Variants in CARNMT1 observed in about 807,000 individuals in gnomAD.
CARNMT1 encodes the protein protein-L-histidine N-pros-methyltransferase CARNMT1.
CARNMT1 carries 28 observed loss-of-function variants against 49.6 expected under a neutral mutation model. The observed-to-expected ratio is 0.56, with a 90% confidence interval of 0.42 to 0.77. The LOEUF is 0.77. CARNMT1 is among the 30% of genes least tolerant of loss of function. The pLI is 0.00. For synonymous variants in CARNMT1, 178 were observed against 175.0 expected, an observed-to-expected ratio of 1.02 and a Z score of -0.13; for missense variants, 421 against 512.6, an observed-to-expected ratio of 0.82 and a Z score of 1.73.
At chr9:75,021,088 T>C (rs1822337748) in intron 1 of CARNMT1, among the ~76,000 whole-genome samples, 1 of 151,880 alleles carries the variant, frequency 6.6e-6, no homozygotes, top group South Asian at 2.1e-4. Context: ...CATAATTAGG[T>C]AGGTAGCATT....
intron 1 of CARNMT1, among the ~76,000 whole-genome samples, chr9:75,021,336 T>C (rs1822350188): frequency 6.8e-6 from 1 of 146,346 alleles, no homozygotes; most frequent in Non-Finnish European, 1.5e-5. Context: ...ATATATAGTA[T>C]ATATACTACT....
intron 1 of CARNMT1, among the ~76,000 whole-genome samples, chr9:75,017,828 A>G (rs1443366204): frequency 1.3e-5 from 2 of 152,224 alleles, no homozygotes; most frequent in African/African-American, 4.8e-5. Context: ...TGAAATTATA[A>G]TACACACAAA....
intron 6 of CARNMT1, among the ~76,000 whole-genome samples, chr9:74,989,403 C>T (rs1832950236): frequency 6.6e-6 from 1 of 152,128 alleles, no homozygotes; most frequent in Non-Finnish European, 1.5e-5. Flanking sequence ...GCATGAGCTA[C>T]GTCATCCAGT....
chr9:74,997,900 TA>T (rs2118787572), intron 5 of CARNMT1, among the ~76,000 whole-genome samples: 1 of 152,286 alleles, frequency 6.6e-6, no homozygotes, highest in South Asian at 2.1e-4. Context: ...AAATACCTAG[TA>T]CTTAGTAGGT....
chr9:75,022,582 T>C (rs1418823175), intron 1 of CARNMT1, among the ~76,000 whole-genome samples: 1 of 152,120 alleles, frequency 6.6e-6, no homozygotes, highest in African/African-American at 2.4e-5. Flanking sequence ...ACTCCATAAA[T>C]TTACATTCCT....
At chr9:75,027,738 T>G (rs979395421) in intron 1 of CARNMT1, among the ~76,000 whole-genome samples, 1 of 152,150 alleles carries the variant, frequency 6.6e-6, no homozygotes, top group South Asian at 2.1e-4. Flanking sequence ...AAGCCAAACC[T>G]TTACGAGGAC....
chr9:75,020,791 G>C (rs960169829), intron 1 of CARNMT1, among the ~76,000 whole-genome samples: 2 of 152,130 alleles, frequency 1.3e-5, no homozygotes, highest in African/African-American at 2.4e-5. Flanking sequence ...GGCCCTTAGG[G>C]ATAAGGTGAA....
intron 1 of CARNMT1, among the ~76,000 whole-genome samples, chr9:75,018,533 C>T (rs1438472840): frequency 1.3e-5 from 2 of 152,110 alleles, no homozygotes; most frequent in Admixed American, 1.3e-4. Context: ...ATCAGCGCAA[C>T]CACTTTGGAA....
intron 1 of CARNMT1, among the ~76,000 whole-genome samples, chr9:75,020,652 A>G (rs1354466990): frequency 6.6e-6 from 1 of 151,978 alleles, no homozygotes; most frequent in African/African-American, 2.4e-5. Flanking sequence ...CAATTTTCTT[A>G]TTTTTACCCT....
intron 1 of CARNMT1, chr9:75,027,136 A>T (rs1042698963): frequency 7.7e-7 from 1 of 1,303,300 alleles, no homozygotes; most frequent in Non-Finnish European, 1.0e-6. Flanking sequence ...TACGTGAATA[A>T]AAGTGTTATC....
At chr9:75,002,974 G>A (rs1399385462) in intron 3 of CARNMT1, among the ~76,000 whole-genome samples, 2 of 152,136 alleles carry the variant, frequency 1.3e-5, no homozygotes, top group East Asian at 1.9e-4. Context: ...CTGGGCTCAA[G>A]TAACCTACCC....
chr9:75,007,339 C>T (rs1453252169), intron 3 of CARNMT1, among the ~76,000 whole-genome samples: 3 of 152,080 alleles, frequency 2.0e-5, no homozygotes, highest in Non-Finnish European at 4.4e-5. Context: ...AAATATATCA[C>T]ATTAATGGAA....
At chr9:75,028,408 A>T (rs1246981446), upstream of CARNMT1, 1 of 1,290,170 alleles carries the variant, frequency 7.8e-7, no homozygotes, top group East Asian at 3.3e-5. Context: ...GGGCTCCGCC[A>T]GGTCTTCAGG....
At chr9:75,004,322 A>C (rs1446433827) in intron 3 of CARNMT1, among the ~76,000 whole-genome samples, 1 of 152,254 alleles carries the variant, frequency 6.6e-6, no homozygotes, top group Non-Finnish European at 1.5e-5. Context: ...TAAGTAAAAA[A>C]TGGCATCTTA....
Position 74,982,743 on chromosome 9 carries a change from G to A in CARNMT1, c.*1024C>T, listed in dbSNP as rs1832720076. 1 of 152,122 alleles carries A rather than the reference G, an allele frequency of 6.6e-6. No individual in the cohort carries two copies. Among genetic ancestry groups the A allele is most frequent in the Non-Finnish European group, 1.5e-5 (1 of 68,022 alleles). 9.4% of individuals were successfully genotyped at this position (152,122 alleles called of 1,614,324 possible). On this transcript the variant is annotated 3_prime_UTR_variant, in exon 8 of 8. Transcript: ENST00000376834. ...AAGACATTATTGTAAACATCACACT[G>A]TCAAACTCTGTATTCATTTAGAGTC...
At chr9:75,021,523 A>G (rs564425469) in intron 1 of CARNMT1, among the ~76,000 whole-genome samples, 2 of 150,240 alleles carry the variant, frequency 1.3e-5, no homozygotes, top group Non-Finnish European at 3.0e-5. Context: ...TATCTCATTT[A>G]TATTACTAAA....
Position 74,983,538 on chromosome 9 carries a change from C to A in CARNMT1, c.*229G>T, listed in dbSNP as rs61743046. Reference sequence around the variant, plus strand: ...TTCAAGGAAAAAGTATACTTCAAGACATTTCCTCCATTTTTACTTGTGTAG... The same window carrying A: ...TTCAAGGAAAAAGTATACTTCAAGAAATTTCCTCCATTTTTACTTGTGTAG... On this transcript the variant is annotated 3_prime_UTR_variant, in exon 8 of 8. Transcript: ENST00000376834. 574 of 341,774 alleles carry A rather than the reference C, an allele frequency of 1.7e-3. No homozygotes were observed. Among genetic ancestry groups the A allele is most frequent in the African/African-American group, 0.011 (528 of 47,612 alleles). The allele number at this position is 341,774 out of a possible 1,614,324, so 21.2% of individuals were successfully genotyped here. A position where few individuals can be genotyped will look rare whatever the true frequency, so the allele number is the denominator to read the frequency against.
At chr9:75,016,792 C>G (rs1264663957) in intron 2 of CARNMT1, 2 of 260,408 alleles carry the variant, frequency 7.7e-6, no homozygotes, top group Non-Finnish European at 1.4e-5. Flanking sequence ...TGGAGTGGCC[C>G]AACTGTATCC....
intron 3 of CARNMT1, chr9:75,009,865 C>T (rs1173108106): frequency 6.6e-6 from 1 of 151,964 alleles, no homozygotes; most frequent in East Asian, 1.9e-4. Flanking sequence ...AGGAAGCCTT[C>T]AAGAAAACAG....
Sources: gnomAD v4.1 joint callset for allele counts (sites outside exome capture counted in the v4.1 genomes callset) on GRCh38, gnomAD v4.1.1 for gene constraint, MANE v1.5 for transcripts, NCBI Gene and HGNC (gene_info 2026-07-23, HGNC 2026-07-21) for gene names.